TLCD4: variants seen among roughly 807,000 people sequenced by gnomAD.
The protein encoded by TLCD4 is TLC domain-containing protein 4.
A neutral mutation model predicts 24.2 loss-of-function variants in TLCD4; 7 were observed. The ratio of observed to expected loss-of-function variants is 0.29; its 90% CI spans 0.16 to 0.54. TLCD4 has a LOEUF of 0.54. Ranked by LOEUF, TLCD4 falls within the 20% of genes least tolerant of loss-of-function variation. The probability of loss-of-function intolerance (pLI) is 0.95; values close to 1 mark genes in which losing one functional copy is unlikely to be tolerated. For synonymous variants in TLCD4, 103 were observed against 106.4 expected (o/e 0.97, Z 0.20); for missense variants, 259 against 313.9 (o/e 0.82, Z 1.32).
rs1679221983 is a variant in TLCD4 at position 95,196,936 on chromosome 1, A to T, written c.*5068A>T. The T allele has an allele frequency of 1.3e-5, 2 of 152,126 alleles. No individual in the cohort carries two copies. Among genetic ancestry groups the T allele is most frequent in the Non-Finnish European group, 2.9e-5 (2 of 68,006 alleles). 9.4% of individuals were successfully genotyped at this position (152,126 alleles called of 1,614,324 possible). On this transcript the variant is annotated 3_prime_UTR_variant, in exon 7 of 7. Transcript: ENST00000370203. ...AGATAATACTCTCACTAACTTGTAAATAGGATAAGTTATGAGATTTTTTGG... is the reference window on the plus strand; with the variant it reads ...AGATAATACTCTCACTAACTTGTAATTAGGATAAGTTATGAGATTTTTTGG...
chr1:95,100,038 G>T, the TLCD4 span, among the ~76,000 whole-genome samples: 1 of 152,030 alleles, frequency 6.6e-6, no homozygotes. Flanking sequence ...TACTTGGGAG[G>T]CTGAGGTGGG....
At chr1:95,135,812 TG>T (rs906105621) in intron 1 of TLCD4, among the ~76,000 whole-genome samples, 4 of 152,166 alleles carry the variant, frequency 2.6e-5, no homozygotes, top group African/African-American at 9.7e-5. Flanking sequence ...CTCCGCCTCC[TG>T]GGCTCAAGTG....
chr1:95,146,690 G>A (rs36101683), intron 2 of TLCD4, among the ~76,000 whole-genome samples: 10,412 of 152,092 alleles, frequency 0.068, 413 homozygotes, highest in Non-Finnish European at 0.089. Flanking sequence ...TGAAACTATA[G>A]TATAGACTTT....
chr1:95,182,062 G>A (rs1183381871), intron 6 of TLCD4, among the ~76,000 whole-genome samples: 1 of 152,142 alleles, frequency 6.6e-6, no homozygotes, highest in South Asian at 2.1e-4. Context: ...GATCTCATTA[G>A]AAAAGTCTTT....
intron 6 of TLCD4, 43 bp from the exon 7 acceptor site, chr1:95,191,507 G>T (rs1258762745): frequency 5.8e-6 from 9 of 1,563,158 alleles, no homozygotes; most frequent in Non-Finnish European, 7.8e-6. Context: ...TTAATCCTCA[G>T]AGATGCACTA....
At chr1:95,176,228 G>A (rs1339163510) in intron 6 of TLCD4, among the ~76,000 whole-genome samples, 2 of 147,608 alleles carry the variant, frequency 1.4e-5, no homozygotes, top group East Asian at 2.0e-4. Flanking sequence ...GTTTTGCTCC[G>A]TCGCCCAGTC....
chr1:95,136,681 ATTTT>A (rs1370844258), intron 1 of TLCD4, among the ~76,000 whole-genome samples: 2 of 151,956 alleles, frequency 1.3e-5, no homozygotes, highest in East Asian at 3.9e-4. Context: ...TTTTTTTGGT[ATTTT>A]TCATAAGGCT....
intron 5 of TLCD4, among the ~76,000 whole-genome samples, chr1:95,152,015 A>G (rs1453263294): frequency 1.3e-5 from 2 of 152,114 alleles, no homozygotes; most frequent in Non-Finnish European, 2.9e-5. Flanking sequence ...CTCTAGAATC[A>G]ATTGTTTTTC....
Position 95,148,772 on chromosome 1 carries a change from A to G in TLCD4, c.226A>G (p.Thr76Ala). 6.2e-7 allele frequency: 1 copy of G among 1,613,620 alleles called. No homozygotes were observed. Among genetic ancestry groups the G allele is most frequent in the Non-Finnish European group, 8.5e-7 (1 of 1,179,758 alleles). ...GTACATTTTCTTATTCGATGAGGCT[A>G]CTAAAGCTGATCCACTTTGGTAAGC... ...GLYIFLFDEA[T>A]KADPLWGGPS... The change falls in exon 3 of 7, where the codon ACT becomes GCT. Residue 76 changes from threonine (T) to alanine (A), a missense_variant. Transcript: ENST00000370203.
chr1:95,167,984 G>A (rs754052638), intron 5 of TLCD4, among the ~76,000 whole-genome samples: 1 of 151,988 alleles, frequency 6.6e-6, no homozygotes. Flanking sequence ...GCCAGACTTC[G>A]TCACCCCCAC....
chr1:95,181,425 A>C (rs1678637281), intron 6 of TLCD4, among the ~76,000 whole-genome samples: 1 of 152,092 alleles, frequency 6.6e-6, no homozygotes, highest in South Asian at 2.1e-4. Context: ...ATAATTGTGG[A>C]TATTCCTTAA....
At chr1:95,152,569 A>C (rs1476522783) in intron 5 of TLCD4, among the ~76,000 whole-genome samples, 1 of 152,128 alleles carries the variant, frequency 6.6e-6, no homozygotes, top group African/African-American at 2.4e-5. Context: ...TTACTGAAGA[A>C]ATAGTTGAAA....
intron 6 of TLCD4, among the ~76,000 whole-genome samples, chr1:95,175,500 C>A (rs1678388571): frequency 6.6e-6 from 1 of 152,162 alleles, no homozygotes; most frequent in South Asian, 2.1e-4. Flanking sequence ...TGGACATGGG[C>A]ATACAAATAT....
intron 1 of TLCD4, among the ~76,000 whole-genome samples, chr1:95,135,996 A>G (rs940174846): frequency 6.6e-6 from 1 of 151,152 alleles, no homozygotes; most frequent in Non-Finnish European, 1.5e-5. Flanking sequence ...TGCTGGGATT[A>G]CAGGCATGAC....
chr1:95,154,017 G>T (rs1677562774), intron 5 of TLCD4, among the ~76,000 whole-genome samples: 1 of 152,086 alleles, frequency 6.6e-6, no homozygotes, highest in African/African-American at 2.4e-5. Context: ...TTTTAAAGTG[G>T]CTATTCTACC....
At chr1:95,101,285 G>A in the TLCD4 span, among the ~76,000 whole-genome samples, 2 of 151,626 alleles carry the variant, frequency 1.3e-5, no homozygotes, top group Non-Finnish European at 2.9e-5. Context: ...AAAGGGTCTT[G>A]CTCTGTCACC....
At chr1:95,135,780 G>A (rs1044313670) in intron 1 of TLCD4, among the ~76,000 whole-genome samples, 1 of 152,078 alleles carries the variant, frequency 6.6e-6, no homozygotes. Flanking sequence ...CTGTCACCCA[G>A]GCTGGAATGC....
Position 95,195,266 on chromosome 1 carries a change from G to A in TLCD4, c.*3398G>A, listed in dbSNP as rs955351698. ...CTGTTGGTTGCACCATCTGTTATCAGGCATGCAGAAACATTTTTCTTCTGG... is the reference window on the plus strand; with the variant it reads ...CTGTTGGTTGCACCATCTGTTATCAAGCATGCAGAAACATTTTTCTTCTGG... On this transcript the variant is annotated 3_prime_UTR_variant, in exon 7 of 7. Transcript: ENST00000370203. 4 of 152,108 alleles carry A rather than the reference G, an allele frequency of 2.6e-5. No individual in the cohort carries two copies. The highest frequency in any genetic ancestry group is 7.2e-5 in the African/African-American group (3 of 41,428). 9.4% of individuals were successfully genotyped at this position (152,108 alleles called of 1,614,324 possible).
In TLCD4 at chr1:95,150,164, C is replaced by G. The variant is rs762475654; in HGVS notation, c.246-44C>G. ...TATAGAAAAAAGAAGTAGCGGTCAT[C>G]TACAATCTATATACTTTAAAAAGGA... On this transcript the variant is annotated intron_variant, in intron 3 of 6. Transcript: ENST00000370203. The G allele has an allele frequency of 2.5e-6, 4 of 1,577,010 alleles. No homozygotes were observed. The Admixed American group carries it at 7.4e-5, about 29-fold the overall frequency.
Sources: gnomAD v4.1 joint callset for allele counts (sites outside exome capture counted in the v4.1 genomes callset) on GRCh38, gnomAD v4.1.1 for gene constraint, MANE v1.5 for transcripts, NCBI Gene and HGNC (gene_info 2026-07-23, HGNC 2026-07-21) for gene names.